PNPLA7: variants seen among roughly 807,000 people sequenced by gnomAD.
PNPLA7 encodes patatin like domain 7, lysophospholipase, also known as patatin-like phospholipase domain-containing protein 7.
In PNPLA7, 153 loss-of-function variants were observed where a neutral mutation model predicts 161.7. The ratio of observed to expected loss-of-function variants is 0.95; its 90% confidence interval spans 0.83 to 1.08. The LOEUF is 1.08. Ranked by LOEUF, PNPLA7 falls within the 50% of genes least tolerant of loss-of-function variation. PNPLA7 has a pLI of 0.00. For synonymous variants in PNPLA7, 809 were observed against 782.1 expected (o/e 1.03, Z -0.57); for missense variants, 1,739 against 1,856.6 (o/e 0.94, Z 1.16).
In PNPLA7 at chr9:137,537,119, C is replaced by T. The variant is rs989459271; in HGVS notation, c.747+3523G>A. Reference sequence around the variant, plus strand: ...GCAAGAAAAGCTGCTCAGAAGGAACCGAAGCGTTTTCAGTGTGAGGGGACA... The same window carrying T: ...GCAAGAAAAGCTGCTCAGAAGGAACTGAAGCGTTTTCAGTGTGAGGGGACA... On this transcript the variant is annotated intron_variant, in intron 8 of 34. Coordinates refer to ENST00000406427, the MANE Select transcript of PNPLA7 (RefSeq NM_001098537.3). The surrounding 1 kb of genome is among the most constrained non-coding windows in gnomAD (Gnocchi z 4.5). Among the ~76,000 whole-genome samples the T allele has an allele frequency of 2.0e-5, 3 of 152,124 alleles. No homozygotes were observed. Among genetic ancestry groups the T allele is most frequent in the African/African-American group, 4.8e-5 (2 of 41,414 alleles).
intron 8 of PNPLA7, among the ~76,000 whole-genome samples, chr9:137,531,636 G>A (rs924729125): frequency 6.6e-6 from 1 of 152,148 alleles, no homozygotes; most frequent in Non-Finnish European, 1.5e-5. Context: ...GAACTAGAAC[G>A]ACACCCACTC....
chr9:137,536,515 C>T (rs1346758474), intron 8 of PNPLA7, among the ~76,000 whole-genome samples: 1 of 152,046 alleles, frequency 6.6e-6, no homozygotes, highest in Non-Finnish European at 1.5e-5. Context: ...CACCAAGAGG[C>T]CAAAAATAAG....
chr9:137,461,854 T>TGAACTGGGCGTGGGCGTGGCCCGAA, intron 32 of PNPLA7, 77 bp downstream of exon 32: 1 of 1,422,734 alleles, frequency 7.0e-7, no homozygotes, highest in Non-Finnish European at 9.4e-7. Flanking sequence ...CGTGGCCTGA[T>TGAACTGGGCGTGGGCGTGGCCCGAA]GAACTGGGCG....
Position 137,521,694 on chromosome 9 carries a change from C to T in PNPLA7, c.899G>A (p.Arg300Lys), listed in dbSNP as rs762361036. The change falls in exon 10 of 35, where the codon AGG becomes AAG. Residue 300 changes from arginine to lysine, a missense_variant. Arg to Lys is a conservative substitution (Grantham distance 26). This residue lies in a region of PNPLA7 where 152 missense variants were observed against 193.5 expected (regional missense o/e 0.79). Coordinates refer to ENST00000406427, the MANE Select transcript of PNPLA7 (RefSeq NM_001098537.3). The stretch of plus-strand genomic sequence containing the variant: ...GTTGTGCAGAGCCAGAAAGGTCACC[C>T]TCTGCAGCCGCACCATGATGATCTG... Reference protein sequence around the residue: ...VVQIIMVRLQRVTFLALHNYL... With the variant: ...VVQIIMVRLQKVTFLALHNYL... 1.2e-6 allele frequency: 2 copies of T among 1,611,386 alleles called. No homozygotes were observed. Among genetic ancestry groups the T allele is most frequent in the Middle Eastern group, 1.7e-4 (1 of 6,058 alleles).
At chr9:137,504,052 GGAAGAAGAAGAAAGAAGAAGGAA>G (rs1833759741) in intron 14 of PNPLA7, among the ~76,000 whole-genome samples, 1 of 144,530 alleles carries the variant, frequency 6.9e-6, no homozygotes, top group Non-Finnish European at 1.5e-5. Flanking sequence ...GAAAGAAGAA[GGAAGAAGAAGAAAGAAGAAGGAA>G]GAAGAAGAAG....
intron 28 of PNPLA7, 43 bp from the exon 29 acceptor site, chr9:137,463,574 C>T (rs1564279398): frequency 2.1e-6 from 3 of 1,444,158 alleles, no homozygotes; most frequent in Non-Finnish European, 2.8e-6. Context: ...GGAGGAGGCT[C>T]CTCCTGGGTC....
chr9:137,505,598 CG>C lies in PNPLA7; in HGVS notation c.1473+15del. Reference sequence around the variant, plus strand: ...CTGGGTGGGACAAGGGCCAGGTGCCCGCCGGGGCCACTCACTTCCAGCTTCA... The same window carrying C: ...CTGGGTGGGACAAGGGCCAGGTGCCCCCGGGGCCACTCACTTCCAGCTTCA... On this transcript the variant is annotated intron_variant, in intron 14 of 34. Coordinates refer to ENST00000406427, the MANE Select transcript of PNPLA7 (RefSeq NM_001098537.3). 3 of 1,613,218 alleles carry C rather than the reference CG, an allele frequency of 1.9e-6. No homozygotes were observed. Among genetic ancestry groups the C allele is most frequent in the Non-Finnish European group, 2.5e-6 (3 of 1,179,542 alleles).
At chr9:137,463,002 G>T in intron 29 of PNPLA7, 169 bp from the exon 30 acceptor site, 1 of 918,090 alleles carries the variant, frequency 1.1e-6, no homozygotes, top group Non-Finnish European at 1.6e-6. Context: ...GGCAGCTGTG[G>T]GCACACGGCT....
chr9:137,491,335 A>G, intron 20 of PNPLA7: 1 of 459,106 alleles, frequency 2.2e-6, no homozygotes, highest in Non-Finnish European at 2.9e-6. Context: ...AGAAAAAACA[A>G]CAAAATGGAA....
chr9:137,517,714 A>C (rs1187233377), intron 11 of PNPLA7, among the ~76,000 whole-genome samples: 1 of 57,624 alleles, frequency 1.7e-5, no homozygotes, highest in African/African-American at 1.1e-4. Context: ...TCCATCCCCC[A>C]CTCACTCACT....
chr9:137,523,659 T>C lies in PNPLA7; in HGVS notation c.748-802A>G, dbSNP rs1217611663. 2.6e-5 allele frequency among the ~76,000 whole-genome samples: 4 copies of C among 151,120 alleles called. No individual in the cohort carries two copies. The highest frequency in any genetic ancestry group is 2.1e-4 in the South Asian group (1 of 4,754). The stretch of plus-strand genomic sequence containing the variant: ...TTTTTTTTTTTGAGACAGAGTCTCG[T>C]TCTGTCGTCCAGGCTGGAGTGCAAT... On this transcript the variant is annotated intron_variant, in intron 8 of 34. Transcript: ENST00000406427. This position sits in a 1 kb window ranked among gnomAD's most constrained non-coding sequence, Gnocchi z 4.4.
Position 137,541,477 on chromosome 9 carries a change from C to A in PNPLA7, c.667-755G>T. ...GTCTAGAAACCCCGACAGGCAGTGC[C>A]GGAGCTGGCGTGGGATCACAGCCCA... On this transcript the variant is annotated intron_variant, in intron 7 of 34. Transcript: ENST00000406427. The surrounding 1 kb of genome is among the most constrained non-coding windows in gnomAD (Gnocchi z 4.4). 1 of 985,464 alleles carries A rather than the reference C, an allele frequency of 1.0e-6. No homozygotes were observed. Among genetic ancestry groups the A allele is most frequent in the Non-Finnish European group, 1.2e-6 (1 of 829,930 alleles). The allele number at this position is 985,464 out of a possible 1,614,324, so 61.0% of individuals were successfully genotyped here.
intron 20 of PNPLA7, among the ~76,000 whole-genome samples, chr9:137,489,335 C>A (rs1202511790): frequency 6.6e-6 from 1 of 152,204 alleles, no homozygotes. Flanking sequence ...TTGGCCAGGA[C>A]ATGCCCTGTG....
At chr9:137,465,420 A>G (rs1831416870) in intron 26 of PNPLA7, among the ~76,000 whole-genome samples, 1 of 152,154 alleles carries the variant, frequency 6.6e-6, no homozygotes, top group Non-Finnish European at 1.5e-5. Context: ...CTGGCCCCCC[A>G]GCCCCAGACC....
chr9:137,478,851 T>C lies in PNPLA7; in HGVS notation c.2763+205A>G, dbSNP rs12005738. On this transcript the variant is annotated intron_variant, in intron 24 of 34. Coordinates refer to ENST00000406427, the MANE Select transcript of PNPLA7 (RefSeq NM_001098537.3). ...ATGGCCGCCCTGTGCCTGCCCCCAC[T>C]GCACCGGCTGCTTCCTAGCCGTGGC... 0.69 allele frequency: 481,514 copies of C among 693,444 alleles called. 168,755 individuals are homozygous for C. The highest frequency in any genetic ancestry group is 0.83 in the African/African-American group (45,005 of 54,448). 43.0% of individuals were successfully genotyped at this position (693,444 alleles called of 1,614,324 possible). A position where few individuals can be genotyped will look rare whatever the true frequency, so the allele number is the denominator to read the frequency against.
chr9:137,472,388 A>G (rs1360173687), intron 25 of PNPLA7, among the ~76,000 whole-genome samples: 1 of 151,864 alleles, frequency 6.6e-6, no homozygotes, highest in Non-Finnish European at 1.5e-5. Context: ...ATAAATTACA[A>G]GCCTGTAATC....
intron 33 of PNPLA7, chr9:137,461,021 A>ACC: frequency 2.3e-6 from 1 of 433,706 alleles, no homozygotes; most frequent in South Asian, 2.5e-5. Context: ...GGGCTCCAGC[A>ACC]CCCCAGACCT....
At chr9:137,542,863 A>T in intron 6 of PNPLA7, 62 bp from the exon 7 acceptor site, 2 of 1,550,250 alleles carry the variant, frequency 1.3e-6, no homozygotes. Flanking sequence ...CCTCTCCAAG[A>T]GTCTCGAGAG....
At chr9:137,462,886 G>T (rs1831286893) in intron 29 of PNPLA7, 53 bp from the exon 30 acceptor site, 1 of 1,601,276 alleles carries the variant, frequency 6.2e-7, no homozygotes, top group Non-Finnish European at 8.5e-7. Context: ...AGAGCCAGGG[G>T]ACGGGGGCAG....
Sources: gnomAD v4.1 joint callset for allele counts (sites outside exome capture counted in the v4.1 genomes callset) on GRCh38, gnomAD v4.1.1 for gene constraint, gnomAD v4.1.1 regional missense constraint, Gnocchi (gnomAD v3.1) non-coding constraint, MANE v1.5 for transcripts, NCBI Gene and HGNC (gene_info 2026-07-23, HGNC 2026-07-21) for gene names.